The following C1orf21 variants were observed in gnomAD, a reference collection of about 807,000 sequenced individuals.
C1orf21 encodes the protein chromosome 1 open reading frame 21.
C1orf21 carries 3 observed loss-of-function variants against 18.7 expected under a neutral mutation model. The ratio of observed to expected loss-of-function variants is 0.16; its 90% CI spans 0.07 to 0.42. The LOEUF (loss-of-function observed/expected upper bound fraction) is 0.42, where lower values mean the gene tolerates loss of function less well. Among genes scored for constraint, C1orf21 ranks in the 10% least tolerant of loss-of-function variants. The probability of loss-of-function intolerance (pLI) is 0.99; values close to 1 mark genes in which losing one functional copy is unlikely to be tolerated. For synonymous variants in C1orf21, 41 were observed against 46.4 expected (o/e 0.88, Z 0.47); for missense variants, 104 against 143.6 (o/e 0.72, Z 1.41).
At chr1:184,536,167 G>A (rs189932505) in intron 3 of C1orf21, among the ~76,000 whole-genome samples, 3 of 152,260 alleles carry the variant, frequency 2.0e-5, no homozygotes, top group Admixed American at 1.3e-4. Context: ...AATCTCTTTG[G>A]CCTCAGTTTC....
intron 5 of C1orf21, among the ~76,000 whole-genome samples, chr1:184,605,907 A>G (rs1659641187): frequency 6.6e-6 from 1 of 152,118 alleles, no homozygotes; most frequent in South Asian, 2.1e-4. Flanking sequence ...AGGATTTGGG[A>G]TGGGCTTGTT....
chr1:184,523,336 G>A (rs1407602324), intron 3 of C1orf21, among the ~76,000 whole-genome samples: 1 of 152,096 alleles, frequency 6.6e-6, no homozygotes, highest in Non-Finnish European at 1.5e-5. Context: ...GATGAGAATG[G>A]CATTTTATCT....
chr1:184,525,362 C>T (rs141074882), intron 3 of C1orf21, among the ~76,000 whole-genome samples: 16 of 152,176 alleles, frequency 1.1e-4, no homozygotes, highest in African/African-American at 3.9e-4. Context: ...GATTTTCCAA[C>T]TTTACTAGTT....
chr1:184,446,148 T>G (rs1657026480), intron 1 of C1orf21, among the ~76,000 whole-genome samples: 1 of 152,176 alleles, frequency 6.6e-6, no homozygotes, highest in Non-Finnish European at 1.5e-5. Flanking sequence ...CTTCATGCCT[T>G]TAGGATTATT....
At chr1:184,574,429 A>G (rs1203390341) in intron 3 of C1orf21, among the ~76,000 whole-genome samples, 1 of 152,248 alleles carries the variant, frequency 6.6e-6, no homozygotes, top group Non-Finnish European at 1.5e-5. Context: ...AACAAACCAT[A>G]TAAGTAGTCA....
intron 2 of C1orf21, among the ~76,000 whole-genome samples, chr1:184,490,578 G>C (rs987467038): frequency 6.6e-6 from 1 of 152,006 alleles, no homozygotes; most frequent in Admixed American, 6.6e-5. Context: ...TCACATTAAC[G>C]GCAGGAGTCT....
intron 2 of C1orf21, among the ~76,000 whole-genome samples, chr1:184,502,994 C>T (rs1657999967): frequency 7.0e-6 from 1 of 143,626 alleles, no homozygotes; most frequent in Non-Finnish European, 1.5e-5. Context: ...GGGAGGATCA[C>T]TTGAGCCTGG....
intron 1 of C1orf21, among the ~76,000 whole-genome samples, chr1:184,401,732 A>G (rs1656155365): frequency 6.6e-6 from 1 of 151,848 alleles, no homozygotes; most frequent in South Asian, 2.1e-4. Flanking sequence ...AGCAAGACAT[A>G]TGTAAATACA....
At chr1:184,600,033 C>T (rs1659566661) in intron 5 of C1orf21, among the ~76,000 whole-genome samples, 1 of 152,176 alleles carries the variant, frequency 6.6e-6, no homozygotes, top group Non-Finnish European at 1.5e-5. Context: ...CTTCCCCCCA[C>T]TAGCTTTTTG....
intron 2 of C1orf21, among the ~76,000 whole-genome samples, chr1:184,481,409 G>T (rs552190725): frequency 6.6e-6 from 1 of 152,214 alleles, no homozygotes; most frequent in African/African-American, 2.4e-5. Context: ...CTGAAGCTTG[G>T]ACTTAGAGCT....
Position 184,614,519 on chromosome 1 carries a change from C to A in C1orf21, c.328-4999C>A, listed in dbSNP as rs151319053. Reference sequence around the variant, plus strand: ...CAAGGCCTAGACCAGCAGTCCCCAACCTTTCTGGCACCAGGGACTGGTTTT... The same window carrying A: ...CAAGGCCTAGACCAGCAGTCCCCAAACTTTCTGGCACCAGGGACTGGTTTT... On this transcript the variant is annotated intron_variant, in intron 5 of 5. Transcript: ENST00000235307. Among the ~76,000 whole-genome samples the A allele has an allele frequency of 8.5e-3, 1,279 of 150,852 alleles. 18 individuals carry two copies. Among genetic ancestry groups the A allele is most frequent in the African/African-American group, 0.03 (1,224 of 41,240 alleles).
intron 1 of C1orf21, among the ~76,000 whole-genome samples, chr1:184,418,721 C>T (rs550120370): frequency 6.6e-6 from 1 of 152,220 alleles, no homozygotes; most frequent in South Asian, 2.1e-4. Context: ...ATGTCAATAT[C>T]CTCAGGCACT....
chr1:184,564,101 T>C (rs1474890464), intron 3 of C1orf21, among the ~76,000 whole-genome samples: 1 of 152,176 alleles, frequency 6.6e-6, no homozygotes, highest in Non-Finnish European at 1.5e-5. Context: ...GCTCTGACAT[T>C]GGAGATACCT....
chr1:184,401,068 G>A (rs1055935068), intron 1 of C1orf21, among the ~76,000 whole-genome samples: 1 of 152,110 alleles, frequency 6.6e-6, no homozygotes, highest in Non-Finnish European at 1.5e-5. Flanking sequence ...ATAGTCTAGT[G>A]TAATTTTAAT....
At chr1:184,598,602 G>C in intron 5 of C1orf21, 141 bp downstream of exon 5, 1 of 790,292 alleles carries the variant, frequency 1.3e-6, no homozygotes, top group South Asian at 1.9e-5. Context: ...AAAAGTCACC[G>C]CCCTTCCAAA....
chr1:184,620,475 A>C lies in C1orf21; in HGVS notation c.*919A>C, dbSNP rs1659899872. The C allele has an allele frequency of 6.6e-6, 1 of 152,530 alleles. No homozygotes were observed. 9.4% of individuals were successfully genotyped at this position (152,530 alleles called of 1,614,324 possible). ...TCTACCAAGCATTAGCAAGGCTGAA[A>C]GTGGTCTAAGAGGTGAGGGGACATC... On this transcript the variant is annotated 3_prime_UTR_variant, in exon 6 of 6. Transcript: ENST00000235307.
At chr1:184,600,955 A>G (rs1659577540) in intron 5 of C1orf21, among the ~76,000 whole-genome samples, 2 of 152,250 alleles carry the variant, frequency 1.3e-5, no homozygotes, top group African/African-American at 4.8e-5. Flanking sequence ...CATCGTTTAT[A>G]TAACCAAAAT....
chr1:184,466,128 A>G (rs35719021), intron 1 of C1orf21, among the ~76,000 whole-genome samples: 3,693 of 152,300 alleles, frequency 0.024, 79 homozygotes, highest in African/African-American at 0.061. Context: ...ATAGGCTACA[A>G]TTTCTGGTAA....
At chr1:184,572,691 C>T (rs753112808) in intron 3 of C1orf21, among the ~76,000 whole-genome samples, 2 of 152,078 alleles carry the variant, frequency 1.3e-5, no homozygotes, top group East Asian at 1.9e-4. Flanking sequence ...CGGTGGCTCA[C>T]GCCTGTAATC....
Sources: gnomAD v4.1 joint callset for allele counts (sites outside exome capture counted in the v4.1 genomes callset) on GRCh38, gnomAD v4.1.1 for gene constraint, MANE v1.5 for transcripts, NCBI Gene and HGNC (gene_info 2026-07-23, HGNC 2026-07-21) for gene names.